Variants in EWSR1 observed in about 807,000 individuals in gnomAD.
EWSR1 encodes RNA-binding protein EWS.
In EWSR1, 14 loss-of-function variants were observed where a neutral mutation model predicts 92.1. That is an observed-to-expected ratio of 0.15 (90% CI 0.10 to 0.24). The LOEUF is 0.24. Ranked by LOEUF, EWSR1 falls within the 10% of genes least tolerant of loss-of-function variation. EWSR1 has a pLI of 1.00. For synonymous variants in EWSR1, 303 were observed against 292.9 expected, an observed-to-expected ratio of 1.03 and a Z score of -0.35; for missense variants, 637 against 870.9, an observed-to-expected ratio of 0.73 and a Z score of 3.38.
chr22:29,272,486 A>T (rs1388999781), intron 3 of EWSR1, 55 bp downstream of exon 3: 1 of 1,511,728 alleles, frequency 6.6e-7, no homozygotes, highest in Non-Finnish European at 9.2e-7. Context: ...TCAGTATATT[A>T]TCCAGTTATC....
intron 8 of EWSR1, chr22:29,290,852 C>A: frequency 3.5e-6 from 1 of 284,018 alleles, no homozygotes; most frequent in Non-Finnish European, 6.2e-6. Context: ...AAAATCTAAC[C>A]CAAAAAGTCC....
At position 29,300,478 on chromosome 22, in the gene EWSR1, G is replaced by GTTTTTTT. The variant is rs76631619; in HGVS notation, c.*327_*333dup. 1 of 181,412 alleles carries GTTTTTTT rather than the reference G, an allele frequency of 5.5e-6. No individual in the cohort carries two copies. The highest frequency in any genetic ancestry group is 7.0e-5 in the Admixed American group (1 of 14,330). 11.2% of individuals were successfully genotyped at this position (181,412 alleles called of 1,614,324 possible). On this transcript the variant is annotated 3_prime_UTR_variant, in exon 17 of 17. Transcript: ENST00000397938. ...CTGTAACAATGTTCATGGTTGTGATGTTTTTTTTTTTTTTTTAAATAAAAT... is the reference window on the plus strand; with the variant it reads ...CTGTAACAATGTTCATGGTTGTGATGTTTTTTTTTTTTTTTTTTTTTTTAAATAAAAT...
intron 4 of EWSR1, chr22:29,275,663 C>T (rs957828231): frequency 1.7e-5 from 4 of 229,410 alleles, no homozygotes; most frequent in African/African-American, 6.6e-5. Flanking sequence ...TTACCTCATA[C>T]TGCCTTTACA....
At position 29,268,346 on chromosome 22, in the gene EWSR1, A is replaced by C. The variant is rs761661070; in HGVS notation, c.10A>C (p.Thr4Pro). Reference sequence around the variant, plus strand: ...GGAGGAAGGAGAGAAAATGGCGTCCACGGGTGAGTATGGTGGAACTGCGGT... The same window carrying C: ...GGAGGAAGGAGAGAAAATGGCGTCCCCGGGTGAGTATGGTGGAACTGCGGT... MAS[T>P]DYSTYSQAAA... Residue 4 changes from threonine to proline, a missense_variant, in exon 1 of 17, where the codon ACG becomes CCG. Around this residue, in one of 5 missense-constraint regions of EWSR1, gnomAD observed 144 missense variants for 189.0 expected, o/e 0.76. Coordinates refer to ENST00000397938, the MANE Select transcript of EWSR1 (RefSeq NM_005243.4). The C allele has an allele frequency of 6.2e-7, 1 of 1,614,166 alleles. No individual in the cohort carries two copies. Among genetic ancestry groups the C allele is most frequent in the Non-Finnish European group, 8.5e-7 (1 of 1,180,012 alleles).
chr22:29,292,795 C>G (rs1466845084), intron 11 of EWSR1, among the ~76,000 whole-genome samples, 189 bp downstream of exon 11: 1 of 126,362 alleles, frequency 7.9e-6, no homozygotes, highest in African/African-American at 3.0e-5. Context: ...ACGGAGTTTC[C>G]TTCTTGGTGC....
intron 5 of EWSR1, among the ~76,000 whole-genome samples, chr22:29,279,183 C>T (rs1325315427): frequency 6.6e-6 from 1 of 152,026 alleles, no homozygotes; most frequent in Non-Finnish European, 1.5e-5. Flanking sequence ...TAGAATTGTA[C>T]TTTTGAATTG....
At chr22:29,290,128 C>G (rs955510682) in intron 8 of EWSR1, 3 of 295,660 alleles carry the variant, frequency 1.0e-5, no homozygotes, top group Non-Finnish European at 1.3e-5. Flanking sequence ...GCCCCTCTTT[C>G]TGGATGAGAA....
chr22:29,285,122 G>GTTTTTTTT (rs35739164), intron 6 of EWSR1, among the ~76,000 whole-genome samples: 1 of 111,604 alleles, frequency 9.0e-6, no homozygotes, highest in Non-Finnish European at 1.7e-5. Context: ...TCTGGCCCTT[G>GTTTTTTTT]TTTTTTTTTT....
intron 12 of EWSR1, among the ~76,000 whole-genome samples, chr22:29,296,877 C>CA (rs368965813): frequency 1.5e-4 from 23 of 151,738 alleles, no homozygotes; most frequent in African/African-American, 3.9e-4. Flanking sequence ...CCTGTCTCTA[C>CA]AAAAAAAATA....
chr22:29,274,386 T>G, intron 4 of EWSR1: 1 of 1,290,754 alleles, frequency 7.7e-7, no homozygotes, highest in Non-Finnish European at 1.1e-6. Flanking sequence ...CCCCAAACTT[T>G]CTAACATCAC....
intron 5 of EWSR1, among the ~76,000 whole-genome samples, chr22:29,280,110 T>C (rs1443486590): frequency 6.6e-6 from 1 of 152,092 alleles, no homozygotes; most frequent in Non-Finnish European, 1.5e-5. Flanking sequence ...TGAGATGGAG[T>C]GTTGCTCTGT....
intron 3 of EWSR1, 87 bp from the exon 4 acceptor site, chr22:29,273,654 A>AT (rs2058868322): frequency 6.9e-7 from 1 of 1,454,850 alleles, no homozygotes; most frequent in Non-Finnish European, 9.3e-7. Flanking sequence ...AATGTTTTTG[A>AT]TTTTGGTTCT....
chr22:29,290,015 A>G (rs2060331531), intron 8 of EWSR1: 2 of 234,518 alleles, frequency 8.5e-6, no homozygotes, highest in African/African-American at 4.4e-5. Context: ...CAAATCACCT[A>G]GAATTCCTAG....
At chr22:29,268,957 C>T (rs2058400376) in intron 1 of EWSR1, among the ~76,000 whole-genome samples, 1 of 152,236 alleles carries the variant, frequency 6.6e-6, no homozygotes, top group Non-Finnish European at 1.5e-5. Context: ...CGAACTTCTG[C>T]TCGCCTGGGC....
chr22:29,294,669 A>G (rs562944819), intron 11 of EWSR1, among the ~76,000 whole-genome samples: 84 of 151,398 alleles, frequency 5.5e-4, no homozygotes, highest in Admixed American at 1.7e-3. Flanking sequence ...TAATCCCGGC[A>G]CTATGGGAGG....
intron 5 of EWSR1, among the ~76,000 whole-genome samples, chr22:29,279,664 C>T (rs1467973062): frequency 6.6e-6 from 1 of 152,246 alleles, no homozygotes; most frequent in Non-Finnish European, 1.5e-5. Flanking sequence ...CTAGATATAT[C>T]TGCTCTAGAG....
rs900534195 is a variant in EWSR1 at position 29,278,282 on chromosome 22, TTAAAA to T, written c.413+70_413+74del. ...AGGGAAAGAAAGCAACTGTGTACAC[TTAAAA>T]TAATCTGTGGTTTAGTTCCTTATTA... On this transcript the variant is annotated intron_variant, in intron 5 of 16. Transcript: ENST00000397938. 1.2e-5 allele frequency: 18 copies of T among 1,476,216 alleles called. No individual in the cohort carries two copies. The African/African-American group carries it at 2.0e-4, about 16-fold the overall frequency. 91.4% of individuals were successfully genotyped at this position (1,476,216 alleles called of 1,614,324 possible). A position where few individuals can be genotyped will look rare whatever the true frequency, so the allele number is the denominator to read the frequency against.
rs550231442 is a variant in EWSR1 at position 29,288,360 on chromosome 22, TTTG to T, written c.794-237_794-235del. Among the ~76,000 whole-genome samples the T allele has an allele frequency of 3.2e-4, 49 of 152,324 alleles. 1 individual carries two copies. Among genetic ancestry groups the T allele is most frequent in the South Asian group, 2.9e-3 (14 of 4,824 alleles). The stretch of plus-strand genomic sequence containing the variant: ...ACTATATGTTAGCCAGAGGGCTTTT[TTTG>T]TTGTTGTTATTTAGAAGAGGTTTAT... On this transcript the variant is annotated intron_variant, in intron 7 of 16. Coordinates refer to ENST00000397938, the MANE Select transcript of EWSR1 (RefSeq NM_005243.4).
intron 1 of EWSR1, among the ~76,000 whole-genome samples, chr22:29,268,870 C>T (rs1214069760): frequency 1.3e-5 from 2 of 152,220 alleles, no homozygotes; most frequent in African/African-American, 4.8e-5. Context: ...AGCGGGAGCC[C>T]CGTCATCCTT....
Sources: gnomAD v4.1 joint callset for allele counts (sites outside exome capture counted in the v4.1 genomes callset) on GRCh38, gnomAD v4.1.1 for gene constraint, gnomAD v4.1.1 regional missense constraint, MANE v1.5 for transcripts, NCBI Gene and HGNC (gene_info 2026-07-23, HGNC 2026-07-21) for gene names.